HECW2: variants seen among roughly 807,000 people sequenced by gnomAD.
The protein encoded by HECW2 is HECT, C2 and WW domain containing E3 ubiquitin protein ligase 2, also known as E3 ubiquitin-protein ligase HECW2.
In HECW2, 61 loss-of-function variants were observed where a neutral mutation model predicts 175.2. The ratio of observed to expected loss-of-function variants is 0.35; its 90% CI spans 0.28 to 0.43. The LOEUF (loss-of-function observed/expected upper bound fraction) is 0.43. Ranked by LOEUF, HECW2 falls within the 20% of genes least tolerant of loss-of-function variation. The pLI, the probability that HECW2 is intolerant of heterozygous loss-of-function variation, is 1.00. For synonymous variants in HECW2, 671 were observed against 731.0 expected (o/e 0.92, Z 1.32); for missense variants, 1,524 against 2,000.5 (o/e 0.76, Z 4.54).
intron 28 of HECW2, among the ~76,000 whole-genome samples, chr2:196,204,841 C>A (rs1301462126): frequency 1.3e-5 from 2 of 152,150 alleles, no homozygotes; most frequent in African/African-American, 4.8e-5. Context: ...TAGGGGTTGG[C>A]AACAGTTCTT....
chr2:196,222,782 T>A (rs556992874), intron 23 of HECW2, among the ~76,000 whole-genome samples: 6 of 152,146 alleles, frequency 3.9e-5, no homozygotes, highest in East Asian at 1.9e-4. Flanking sequence ...TAACTTTTTT[T>A]AATTGAAAGA....
intron 10 of HECW2, among the ~76,000 whole-genome samples, chr2:196,313,878 C>T (rs1423032601): frequency 1.3e-5 from 2 of 152,076 alleles, no homozygotes; most frequent in Non-Finnish European, 2.9e-5. Flanking sequence ...ATAGTTAGAC[C>T]CCTGTCTCTA....
intron 1 of HECW2, among the ~76,000 whole-genome samples, chr2:196,475,132 A>C (rs1686521659): frequency 6.6e-6 from 1 of 152,070 alleles, no homozygotes; most frequent in Non-Finnish European, 1.5e-5. Context: ...GAAGACACCC[A>C]CACACACCTA....
chr2:196,222,634 G>A (rs906311393), intron 23 of HECW2, among the ~76,000 whole-genome samples: 5 of 152,086 alleles, frequency 3.3e-5, no homozygotes, highest in Admixed American at 1.3e-4. Context: ...TGCCATCTGC[G>A]CAGTCATCCA....
At chr2:196,386,135 A>G (rs1694343104) in intron 2 of HECW2, among the ~76,000 whole-genome samples, 1 of 152,256 alleles carries the variant, frequency 6.6e-6, no homozygotes, top group East Asian at 1.9e-4. Context: ...ATCTTAGGAT[A>G]CATGAGTGAA....
chr2:196,285,789 T>C (rs1476394518), intron 14 of HECW2, among the ~76,000 whole-genome samples: 1 of 152,240 alleles, frequency 6.6e-6, no homozygotes, highest in Non-Finnish European at 1.5e-5. Flanking sequence ...TTTGAAGGAA[T>C]CAGTAGTCCC....
At chr2:196,223,645 A>G (rs1687748890) in intron 23 of HECW2, among the ~76,000 whole-genome samples, 4 of 152,222 alleles carry the variant, frequency 2.6e-5, no homozygotes, top group Admixed American at 2.0e-4. Context: ...AACTACCAAA[A>G]GATTTTAAGA....
intron 2 of HECW2, among the ~76,000 whole-genome samples, chr2:196,408,549 T>C (rs1483170814): frequency 2.0e-5 from 3 of 152,174 alleles, no homozygotes; most frequent in Admixed American, 2.0e-4. Flanking sequence ...ACAGTGGTAA[T>C]AGTCAAACAT....
intron 1 of HECW2, among the ~76,000 whole-genome samples, chr2:196,476,458 A>AG (rs1390374675): frequency 2.0e-4 from 31 of 151,614 alleles, no homozygotes; most frequent in Non-Finnish European, 5.9e-5. Flanking sequence ...AAAAAAAAAA[A>AG]GGCAGGCGAC....
At chr2:196,330,932 T>C (rs545597663) in intron 4 of HECW2, among the ~76,000 whole-genome samples, 2 of 151,648 alleles carry the variant, frequency 1.3e-5, no homozygotes, top group Non-Finnish European at 2.9e-5. Flanking sequence ...CAGGTCTGAT[T>C]TTTTTTTTAA....
chr2:196,202,582 C>T (rs1362966071), intron 28 of HECW2, among the ~76,000 whole-genome samples: 1 of 152,092 alleles, frequency 6.6e-6, no homozygotes. Context: ...AGTGTTTGAC[C>T]AATTAATAAT....
chr2:196,419,536 A>G (rs1023031900), intron 2 of HECW2, among the ~76,000 whole-genome samples: 4 of 152,156 alleles, frequency 2.6e-5, no homozygotes, highest in African/African-American at 9.7e-5. Flanking sequence ...CAGGCATTAA[A>G]CTGCCCCTTC....
intron 28 of HECW2, among the ~76,000 whole-genome samples, chr2:196,206,253 G>A (rs1687063855): frequency 6.6e-6 from 1 of 152,180 alleles, no homozygotes; most frequent in Non-Finnish European, 1.5e-5. Context: ...AACCACTCAA[G>A]GAAAGCAGGT....
intron 1 of HECW2, among the ~76,000 whole-genome samples, chr2:196,484,356 A>C (rs545084366): frequency 6.6e-6 from 1 of 152,310 alleles, no homozygotes; most frequent in South Asian, 2.1e-4. Context: ...ACACTCATTA[A>C]GTGTTCAAAA....
At position 196,313,478 on chromosome 2, in the gene HECW2, C is replaced by T. The variant is rs148795573; in HGVS notation, c.2434+3796G>A. ...AGGCCTGGAACTTTCTTATTTTTTA[C>T]GAATCATTAGAATATCTCTCAACCA... On this transcript the variant is annotated intron_variant, in intron 10 of 28. Coordinates refer to ENST00000644978, the MANE Select transcript of HECW2 (RefSeq NM_001348768.2). Among the ~76,000 whole-genome samples the T allele has an allele frequency of 5.9e-3, 901 of 152,220 alleles. 8 individuals carry two copies. The highest frequency in any genetic ancestry group is 0.02 in the Middle Eastern group (6 of 294).
intron 13 of HECW2, among the ~76,000 whole-genome samples, chr2:196,297,580 C>T (rs981681441): frequency 1.3e-5 from 2 of 152,164 alleles, no homozygotes; most frequent in Non-Finnish European, 2.9e-5. Context: ...GATTACCTGG[C>T]CCAGTCCTAA....
At chr2:196,250,222 T>G (rs1688805196) in intron 19 of HECW2, among the ~76,000 whole-genome samples, 1 of 152,224 alleles carries the variant, frequency 6.6e-6, no homozygotes, top group African/African-American at 2.4e-5. Flanking sequence ...GGTAAAGGGA[T>G]GGTCCACTTT....
rs116492017 is a variant in HECW2, at chr2:196,244,838, G to A, written c.3530-2634C>T. Among the ~76,000 whole-genome samples, 895 of 152,330 alleles carry A rather than the reference G, an allele frequency of 5.9e-3. 3 individuals are homozygous for A. Among genetic ancestry groups the A allele is most frequent in the Non-Finnish European group, 9.5e-3 (649 of 68,030 alleles). Reference sequence around the variant, plus strand: ...CTGGGAGTAAATGGGAAATGAAATTGATCAGAAGGGTTGGAGCCAAATTAT... The same window carrying A: ...CTGGGAGTAAATGGGAAATGAAATTAATCAGAAGGGTTGGAGCCAAATTAT... On this transcript the variant is annotated intron_variant, in intron 19 of 28. Transcript: ENST00000644978.
At chr2:196,500,358 A>G (rs769454864) in intron 1 of HECW2, among the ~76,000 whole-genome samples, 2 of 152,204 alleles carry the variant, frequency 1.3e-5, no homozygotes, top group African/African-American at 2.4e-5. Context: ...GGACCACTTC[A>G]TCATACTTAC....
Sources: gnomAD v4.1 joint callset for allele counts (sites outside exome capture counted in the v4.1 genomes callset) on GRCh38, gnomAD v4.1.1 for gene constraint, MANE v1.5 for transcripts, NCBI Gene and HGNC (gene_info 2026-07-23, HGNC 2026-07-21) for gene names.